The following PKHD1L1 variants were observed in gnomAD, a reference collection of about 807,000 sequenced individuals.
PKHD1L1 encodes fibrocystin-L.
A neutral mutation model predicts 462.9 loss-of-function variants in PKHD1L1; 434 were observed. That is an observed-to-expected ratio of 0.94 (90% CI 0.87 to 1.02). The LOEUF is 1.02. Ranked by LOEUF, PKHD1L1 falls within the 50% of genes least tolerant of loss-of-function variation. The pLI is 0.00. For missense variants in PKHD1L1, 5,202 were observed against 5,096.1 expected, an observed-to-expected ratio of 1.02 and a Z score of -0.63; for synonymous variants, 1,781 against 1,750.0, an observed-to-expected ratio of 1.02 and a Z score of -0.44.
At chr8:109,468,210 G>A (rs900878088) in intron 50 of PKHD1L1, among the ~76,000 whole-genome samples, 12 of 152,142 alleles carry the variant, frequency 7.9e-5, no homozygotes, top group Admixed American at 3.3e-4. Context: ...CTGGAATTTT[G>A]TTATTACACT....
intron 32 of PKHD1L1, among the ~76,000 whole-genome samples, chr8:109,439,618 G>A (rs867699656): frequency 1.5e-4 from 23 of 152,228 alleles, no homozygotes; most frequent in Middle Eastern, 6.8e-3. Flanking sequence ...TGACAATTAA[G>A]CCAAGAAATG....
At position 109,480,191 on chromosome 8, in the gene PKHD1L1, G is replaced by A. The variant is rs1005865621; in HGVS notation, c.9327+52G>A. On this transcript the variant is annotated intron_variant, in intron 55 of 77. Transcript: ENST00000378402. Reference sequence around the variant, plus strand: ...ATCTTTATTAATCTAATTCTAAAATGTGTATTTACTCAAATAATAAGAAAG... The same window carrying A: ...ATCTTTATTAATCTAATTCTAAAATATGTATTTACTCAAATAATAAGAAAG... 8.0e-5 allele frequency: 119 copies of A among 1,478,668 alleles called. No homozygotes were observed. The African/African-American group carries it at 1.6e-3, about 19-fold the overall frequency. 91.6% of individuals were successfully genotyped at this position (1,478,668 alleles called of 1,614,324 possible).
chr8:109,464,533 G>C lies in PKHD1L1; in HGVS notation c.7701G>C (p.Pro2567=). The C allele has an allele frequency of 1.2e-6, 2 of 1,613,652 alleles. No individual in the cohort carries two copies. Among genetic ancestry groups the C allele is most frequent in the Non-Finnish European group, 1.7e-6 (2 of 1,179,762 alleles). Residue 2567 remains proline (P), a synonymous_variant, in exon 49 of 78, where the codon CCG becomes CCC. Transcript: ENST00000378402. ...VTPAAFWVTN[P]NNTIRHNAVA... is the part of the protein sequence containing the mutation. ...CGGCTGCATTTTGGGTCACCAACCC[G>C]AACAATACCATACGACACAATGCTG... is the stretch of plus-strand genomic sequence containing the variant.
chr8:109,404,987 G>A lies in PKHD1L1; in HGVS notation c.1534-8G>A. 2.8e-6 allele frequency: 4 copies of A among 1,452,596 alleles called. No individual in the cohort carries two copies. The highest frequency in any genetic ancestry group is 3.7e-6 in the Non-Finnish European group (4 of 1,090,968). The allele number at this position is 1,452,596 out of a possible 1,614,324, so 90.0% of individuals were successfully genotyped here. On this transcript the variant is annotated splice_region_variant and splice_polypyrimidine_tract_variant and intron_variant, in intron 15 of 77. Coordinates refer to ENST00000378402, the MANE Select transcript of PKHD1L1 (RefSeq NM_177531.6). ...ATATATTAAAAATGTTTCTTAATTG[G>A]AAAATAGGTTATAACATTGGAAAAC...
intron 23 of PKHD1L1, among the ~76,000 whole-genome samples, chr8:109,421,132 T>A (rs1178171594): frequency 1.3e-5 from 2 of 151,864 alleles, no homozygotes; most frequent in African/African-American, 4.8e-5. Flanking sequence ...ACCTGAACAA[T>A]TTTTTGTACA....
At chr8:109,364,725 A>T in intron 2 of PKHD1L1, 89 bp downstream of exon 2, 1 of 852,740 alleles carries the variant, frequency 1.2e-6, no homozygotes, top group East Asian at 2.6e-5. Context: ...CAAACAAACA[A>T]ACAAGCACCA....
At position 109,487,192 on chromosome 8, in the gene PKHD1L1, A is replaced by G. The variant is rs147416642; in HGVS notation, c.9880+371A>G. Among the ~76,000 whole-genome samples, 998 of 152,104 alleles carry G rather than the reference A, an allele frequency of 6.6e-3. 14 individuals are homozygous for G. Among genetic ancestry groups the G allele is most frequent in the African/African-American group, 0.023 (960 of 41,536 alleles). ...AAAACAGTATAATGAATCCCAATGT[A>G]CTAATCACCAATTTCAACAATGATC... On this transcript the variant is annotated intron_variant, in intron 59 of 77. Transcript: ENST00000378402.
rs1279261013 is a variant in PKHD1L1, at chr8:109,419,084, AACCGT to A, written c.2361-11_2361-7del. On this transcript the variant is annotated splice_region_variant and splice_polypyrimidine_tract_variant and intron_variant, in intron 21 of 77. Transcript: ENST00000378402. Reference sequence around the variant, plus strand: ...CACTGATCTATACAACAAATTAATCAACCGTATTTCAGCTGGACTTACACTTGCAT... The same window carrying A: ...CACTGATCTATACAACAAATTAATCAATTTCAGCTGGACTTACACTTGCAT... The A allele has an allele frequency of 6.2e-7, 1 of 1,606,910 alleles. No individual in the cohort carries two copies. Among genetic ancestry groups the A allele is most frequent in the South Asian group, 1.1e-5 (1 of 90,144 alleles).
rs1563549918 is a variant in PKHD1L1 at position 109,444,678 on chromosome 8, C to T, written c.4809C>T (p.Tyr1603=). 6.2e-7 allele frequency: 1 copy of T among 1,613,150 alleles called. No homozygotes were observed. The highest frequency in any genetic ancestry group is 1.1e-5 in the South Asian group (1 of 90,990). The stretch of plus-strand genomic sequence containing the variant: ...ACTTACAGGTTACAATTGGTAGCTA[C>T]CCCTGTGTCGTAGAAGAAAGTAGTG... ...PWANKVTIGS[Y]PCVVEESSED... is the part of the protein sequence containing the mutation. The change falls in exon 38 of 78, where the codon TAC becomes TAT. Residue 1603 remains tyrosine, a synonymous_variant. Coordinates refer to ENST00000378402, the MANE Select transcript of PKHD1L1 (RefSeq NM_177531.6).
chr8:109,411,889 ATCTACAGGGGGATAGGGT>A (rs1401997985), intron 19 of PKHD1L1, among the ~76,000 whole-genome samples: 2 of 152,176 alleles, frequency 1.3e-5, no homozygotes, highest in African/African-American at 4.8e-5. Flanking sequence ...GGTGGCCTCT[ATCTACAGGGGGATAGGGT>A]TCTTCACCAC....
At chr8:109,484,950 T>TGGTATTTA in intron 57 of PKHD1L1, 94 bp from the exon 58 acceptor site, 1 of 1,036,010 alleles carries the variant, frequency 9.7e-7, no homozygotes, top group Non-Finnish European at 1.4e-6. Flanking sequence ...GCCAATGAGA[T>TGGTATTTA]ATACATTAAA....
In PKHD1L1 at chr8:109,451,108, A is replaced by C. The variant is rs767073406; in HGVS notation, c.6309A>C (p.Thr2103=). The C allele has an allele frequency of 6.2e-7, 1 of 1,612,844 alleles. No homozygotes were observed. The highest frequency in any genetic ancestry group is 1.3e-5 in the African/African-American group (1 of 74,924). ...CAGTATCTCCTAAGAGAGGCAGTAC[A>C]GCAGGGGGCACCAGACTGACAGTCG... The part of the protein sequence containing the change: ...ITAVSPKRGS[T]AGGTRLTVVG... Residue 2103 remains threonine (T), a synonymous_variant, in exon 41 of 78, where the codon ACA becomes ACC. Coordinates refer to ENST00000378402, the MANE Select transcript of PKHD1L1 (RefSeq NM_177531.6).
chr8:109,504,409 A>C lies in PKHD1L1; in HGVS notation c.10911A>C (p.Leu3637Phe). The C allele has an allele frequency of 6.4e-7, 1 of 1,560,796 alleles. No individual in the cohort carries two copies. The highest frequency in any genetic ancestry group is 1.4e-5 in the African/African-American group (1 of 72,918). ...TTACTAACCCTTTAAATGAGGATTT[A>C]CAGCATCCAATCCATGTGAAGAATA... ...IFITNPLNED[L>F]QHPIHVKNIK... is the part of the protein sequence containing the mutation. The change falls in exon 68 of 78, where the codon TTA becomes TTC. Residue 3637 changes from leucine (L) to phenylalanine (F), a missense_variant. Transcript: ENST00000378402.
intron 77 of PKHD1L1, among the ~76,000 whole-genome samples, chr8:109,528,664 T>C (rs139660742): frequency 6.6e-6 from 1 of 152,222 alleles, no homozygotes; most frequent in Non-Finnish European, 1.5e-5. Flanking sequence ...TCCTCTCCCT[T>C]GGTCTCCAAT....
chr8:109,383,017 G>A (rs1482249459), intron 4 of PKHD1L1, among the ~76,000 whole-genome samples: 3 of 138,724 alleles, frequency 2.2e-5, no homozygotes, highest in Non-Finnish European at 4.6e-5. Context: ...TTTCTTCTAA[G>A]CATTATCCCA....
In PKHD1L1 at chr8:109,384,119, G is replaced by A. The variant is rs1484940141; in HGVS notation, c.467G>A (p.Gly156Glu). Reference sequence around the variant, plus strand: ...ATAAGAAGCATCACACCTTTATCTGGAACTCCAGGTCTGTTATATGACATC... The same window carrying A: ...ATAAGAAGCATCACACCTTTATCTGAAACTCCAGGTCTGTTATATGACATC... Reference protein sequence around the residue: ...PTIRSITPLSGTPGTLITIQG... With the variant: ...PTIRSITPLSETPGTLITIQG... Residue 156 changes from glycine (G) to glutamate (E), a missense_variant, in exon 5 of 78, where the codon GGA becomes GAA. By Grantham distance (98) the Gly-to-Glu change is moderately conservative. Coordinates refer to ENST00000378402, the MANE Select transcript of PKHD1L1 (RefSeq NM_177531.6). 2.3e-5 allele frequency: 37 copies of A among 1,609,676 alleles called. No individual in the cohort carries two copies. Among genetic ancestry groups the A allele is most frequent in the Admixed American group, 5.0e-5 (3 of 59,880 alleles).
At chr8:109,526,577 T>G (rs1347769134) in intron 76 of PKHD1L1, among the ~76,000 whole-genome samples, 1 of 152,208 alleles carries the variant, frequency 6.6e-6, no homozygotes, top group Non-Finnish European at 1.5e-5. Flanking sequence ...TTCCCTGTTG[T>G]TCAGTTAATG....
chr8:109,529,164 T>A (rs1257619381), intron 77 of PKHD1L1, among the ~76,000 whole-genome samples: 1 of 152,138 alleles, frequency 6.6e-6, no homozygotes, highest in Non-Finnish European at 1.5e-5. Context: ...AACTGGAGGC[T>A]GAAACAAACT....
intron 27 of PKHD1L1, 102 bp downstream of exon 27, chr8:109,430,139 G>A: frequency 1.4e-6 from 1 of 692,140 alleles, no homozygotes; most frequent in Non-Finnish European, 2.4e-6. Flanking sequence ...AGTGTCACTA[G>A]CTAAAGCAAG....
Sources: allele counts gnomAD v4.1 joint callset (sites outside exome capture counted in the v4.1 genomes callset), GRCh38; gene constraint gnomAD v4.1.1; transcripts MANE v1.5; gene names NCBI Gene and HGNC (gene_info 2026-07-23, HGNC 2026-07-21).